PPARGC1A: variants seen among roughly 807,000 people sequenced by gnomAD.
The protein encoded by PPARGC1A is PPARG coactivator 1 alpha.
Under a neutral mutation model 88.7 loss-of-function variants are expected in PPARGC1A, and 25 were observed. The ratio of observed to expected loss-of-function variants is 0.28; its 90% confidence interval spans 0.21 to 0.39. PPARGC1A has a LOEUF of 0.39. PPARGC1A is among the 10% of genes least tolerant of loss of function. The pLI is 1.00. For missense variants in PPARGC1A, 880 were observed against 968.7 expected (o/e 0.91, Z 1.22); for synonymous variants, 363 against 355.6 (o/e 1.02, Z -0.24).
At chr4:24,214,136 G>A in the PPARGC1A span, among the ~76,000 whole-genome samples, 2 of 152,182 alleles carry the variant, frequency 1.3e-5, no homozygotes, top group African/African-American at 2.4e-5. Context: ...GTGGTTTTCT[G>A]GGGTGGATGG....
chr4:24,286,138 C>T, the PPARGC1A span, among the ~76,000 whole-genome samples: 1 of 149,794 alleles, frequency 6.7e-6, no homozygotes, highest in East Asian at 2.0e-4. Context: ...TGGGAAAATA[C>T]CCACTACGAA....
chr4:24,470,384 C>T, the PPARGC1A span, among the ~76,000 whole-genome samples: 1 of 151,742 alleles, frequency 6.6e-6, no homozygotes, highest in Non-Finnish European at 1.5e-5. The surrounding 1 kb of genome is among the most constrained non-coding windows in gnomAD (Gnocchi z 5.8). Flanking sequence ...TTTGCGGAGC[C>T]GGAGTGGTCG....
chr4:24,460,976 T>C, the PPARGC1A span, among the ~76,000 whole-genome samples: 2 of 152,250 alleles, frequency 1.3e-5, no homozygotes, highest in Non-Finnish European at 2.9e-5. Context: ...CAGGCTGGAA[T>C]GCAGTCATGT....
the PPARGC1A span, among the ~76,000 whole-genome samples, chr4:23,953,239 T>G: frequency 1.3e-5 from 2 of 152,118 alleles, no homozygotes; most frequent in East Asian, 3.9e-4. Flanking sequence ...TAATACCCTT[T>G]CAAAGACATG....
rs563920512 is a variant in PPARGC1A at position 23,801,873 on chromosome 4, T to C, written c.2150A>G (p.Tyr717Cys). The change falls in exon 12 of 13, where the codon TAT (tyrosine) becomes TGT (cysteine). Residue 717 changes from tyrosine (Y) to cysteine (C), a missense_variant. Tyr to Cys is a radical substitution (Grantham distance 194). Coordinates refer to ENST00000264867, the MANE Select transcript of PPARGC1A (RefSeq NM_013261.5). ...GGTATAACGGTAGGTAATGAAACCA[T>C]AGCTGTCTCTGCAACGGACAAAGAA... The part of the protein sequence containing the change: ...TVNLRDDGDS[Y>C]GFITYRYTCD... 3.1e-6 allele frequency: 5 copies of C among 1,613,934 alleles called. No homozygotes were observed. The highest frequency in any genetic ancestry group is 3.3e-5 in the Admixed American group (2 of 60,026).
the PPARGC1A span, among the ~76,000 whole-genome samples, chr4:24,403,647 C>G: frequency 1.2e-4 from 18 of 152,338 alleles, no homozygotes; most frequent in Non-Finnish European, 2.4e-4. Context: ...TGGATACAAT[C>G]ACTTCCCCAG....
At chr4:23,819,603 T>C (rs1722613429) in intron 7 of PPARGC1A, among the ~76,000 whole-genome samples, 1 of 152,130 alleles carries the variant, frequency 6.6e-6, no homozygotes. Context: ...TCCTTTGCTA[T>C]CCTTGGCTTA....
chr4:24,021,092 T>C, the PPARGC1A span, among the ~76,000 whole-genome samples: 1 of 152,230 alleles, frequency 6.6e-6, no homozygotes, highest in East Asian at 1.9e-4. Context: ...CCAAAATGTG[T>C]TGGCCTTGAA....
chr4:24,199,262 A>C, the PPARGC1A span, among the ~76,000 whole-genome samples: 1 of 152,218 alleles, frequency 6.6e-6, no homozygotes, highest in Non-Finnish European at 1.5e-5. Flanking sequence ...TTTCCATAAC[A>C]AACATTTTCT....
chr4:23,882,350 A>G (rs1001932089), intron 2 of PPARGC1A, among the ~76,000 whole-genome samples: 1 of 152,140 alleles, frequency 6.6e-6, no homozygotes. Flanking sequence ...CCAATTAATC[A>G]TTAGTAATTT....
chr4:24,003,161 G>A, the PPARGC1A span, among the ~76,000 whole-genome samples: 1 of 152,126 alleles, frequency 6.6e-6, no homozygotes, highest in South Asian at 2.1e-4. Flanking sequence ...GGAGGTGGAT[G>A]TGTTACCTAC....
the PPARGC1A span, among the ~76,000 whole-genome samples, chr4:24,072,825 G>T: frequency 3.3e-5 from 5 of 152,108 alleles, no homozygotes; most frequent in Non-Finnish European, 7.4e-5. Flanking sequence ...CTGCATTTGT[G>T]AATTGCTCTA....
At chr4:23,974,236 G>A in the PPARGC1A span, among the ~76,000 whole-genome samples, 16 of 152,188 alleles carry the variant, frequency 1.1e-4, no homozygotes, top group East Asian at 3.1e-3. Flanking sequence ...TGCTGTTTCC[G>A]CAAACCATCT....
chr4:23,813,926 A>G lies in PPARGC1A; in HGVS notation c.1557T>C (p.Asp519=). 1.9e-6 allele frequency: 3 copies of G among 1,614,008 alleles called. No homozygotes were observed. The highest frequency in any genetic ancestry group is 2.5e-6 in the Non-Finnish European group (3 of 1,179,898). Residue 519 remains aspartate (D), a synonymous_variant, in exon 8 of 13, where the codon GAT becomes GAC. Coordinates refer to ENST00000264867, the MANE Select transcript of PPARGC1A (RefSeq NM_013261.5). Reference sequence around the variant, plus strand: ...TGCCATCCCAAGGGTAGCTCAGTTTATCACTTTCATCTTCGCTGTCATCAA... The same window carrying G: ...TGCCATCCCAAGGGTAGCTCAGTTTGTCACTTTCATCTTCGCTGTCATCAA... ...GLFDDSEDES[D]KLSYPWDGTQ...
chr4:23,995,298 C>T, the PPARGC1A span, among the ~76,000 whole-genome samples: 3 of 152,166 alleles, frequency 2.0e-5, no homozygotes, highest in East Asian at 1.9e-4. Flanking sequence ...ATATCCCTCA[C>T]GTGGGAGTCA....
In PPARGC1A at chr4:23,815,255, A is replaced by T. The variant is rs1577375081; in HGVS notation, c.878-650T>A. The stretch of plus-strand genomic sequence containing the variant: ...GGACCTAGAGCAACTCTACAACTTA[A>T]CGGCAGTGATTCTTTGTCGCCACAG... On this transcript the variant is annotated intron_variant, in intron 7 of 12. Transcript: ENST00000264867. 3.9e-5 allele frequency among the ~76,000 whole-genome samples: 6 copies of T among 152,194 alleles called. 1 individual carries two copies. The East Asian group carries it at 1.2e-3, about 29-fold the overall frequency.
the PPARGC1A span, among the ~76,000 whole-genome samples, chr4:23,989,471 G>A: frequency 2.6e-5 from 4 of 151,920 alleles, no homozygotes; most frequent in South Asian, 4.1e-4. Context: ...CAATCCTGCA[G>A]GAAAATTGGG....
At chr4:24,336,740 GT>G in the PPARGC1A span, among the ~76,000 whole-genome samples, 2 of 151,576 alleles carry the variant, frequency 1.3e-5, no homozygotes, top group East Asian at 1.9e-4. Context: ...CTGGCTTTTT[GT>G]TTTTTTTCCA....
the PPARGC1A span, among the ~76,000 whole-genome samples, chr4:23,971,026 T>A: frequency 6.6e-5 from 10 of 152,306 alleles, no homozygotes; most frequent in Middle Eastern, 6.8e-3. Context: ...CACCGCATGA[T>A]CTGCCAGACC....
Sources: allele counts gnomAD v4.1 joint callset (sites outside exome capture counted in the v4.1 genomes callset), GRCh38; gene constraint gnomAD v4.1.1; non-coding constraint Gnocchi (gnomAD v3.1); transcripts MANE v1.5; gene names NCBI Gene and HGNC (gene_info 2026-07-23, HGNC 2026-07-21).